Variants in HMGXB3 observed in about 807,000 individuals in gnomAD.
HMGXB3 encodes HMG-box containing 3.
HMGXB3 carries 45 observed loss-of-function variants against 121.5 expected under a neutral mutation model. That is an observed-to-expected ratio of 0.37 (90% CI 0.29 to 0.47). The LOEUF is 0.47. Ranked by LOEUF, HMGXB3 falls within the 20% of genes least tolerant of loss-of-function variation. The probability of loss-of-function intolerance (pLI) is 0.99; values close to 1 mark genes in which losing one functional copy is unlikely to be tolerated. For missense variants in HMGXB3, 1,376 were observed against 1,602.2 expected (o/e 0.86, Z 2.41); for synonymous variants, 590 against 624.1 (o/e 0.95, Z 0.81).
intron 6 of HMGXB3, among the ~76,000 whole-genome samples, chr5:150,022,791 T>C (rs1355195023): frequency 1.3e-5 from 2 of 151,164 alleles, no homozygotes; most frequent in Non-Finnish European, 2.9e-5. Flanking sequence ...ACCAAAGAGC[T>C]CTTAAGAGGT....
chr5:150,046,251 C>T (rs981085752), intron 16 of HMGXB3, among the ~76,000 whole-genome samples: 2 of 152,212 alleles, frequency 1.3e-5, no homozygotes, highest in Admixed American at 6.5e-5. Flanking sequence ...CTTCCTAGAT[C>T]ACTGAAGATA....
chr5:150,050,374 G>C lies in HMGXB3; in HGVS notation c.3324G>C (p.Leu1108=), dbSNP rs1756862690. ...TAGATATGGCCACGTCAGTGGCCCT[G>C]TGTGCTGACCTCTGCTACCCAGAGC... The part of the protein sequence containing the change: ...YVVDMATSVA[L]CADLCYPELT... Residue 1108 remains leucine (L), a synonymous_variant, in exon 19 of 20, where the codon CTG becomes CTC. Coordinates refer to ENST00000502717, the MANE Select transcript of HMGXB3 (RefSeq NM_014983.3). The C allele has an allele frequency of 1.3e-6, 2 of 1,551,664 alleles. No homozygotes were observed. Among genetic ancestry groups the C allele is most frequent in the African/African-American group, 2.7e-5 (2 of 73,058 alleles).
chr5:150,014,335 A>T (rs1456604192), intron 5 of HMGXB3, among the ~76,000 whole-genome samples: 1 of 152,264 alleles, frequency 6.6e-6, no homozygotes, highest in East Asian at 1.9e-4. Context: ...AATAGACAAT[A>T]TGCAGTTTAA....
intron 4 of HMGXB3, among the ~76,000 whole-genome samples, chr5:150,011,953 C>T (rs747618390): frequency 6.6e-5 from 10 of 152,144 alleles, no homozygotes; most frequent in Middle Eastern, 3.2e-3. Flanking sequence ...GTGCTGAGAA[C>T]ACTTGAAAGG....
intron 10 of HMGXB3, among the ~76,000 whole-genome samples, chr5:150,032,163 T>C (rs1197778721): frequency 6.6e-6 from 1 of 152,258 alleles, no homozygotes; most frequent in East Asian, 1.9e-4. Flanking sequence ...CCTGCTTTAC[T>C]CCACCAACTG....
intron 4 of HMGXB3, among the ~76,000 whole-genome samples, chr5:150,011,971 T>C (rs1338610500): frequency 6.6e-6 from 1 of 152,208 alleles, no homozygotes; most frequent in African/African-American, 2.4e-5. Flanking sequence ...AGGGTTAGAA[T>C]TGGATTCTCT....
In HMGXB3 at chr5:150,040,996, A is replaced by C. The variant is rs139264157; in HGVS notation, c.2545+117A>C. 504 of 1,053,264 alleles carry C rather than the reference A, an allele frequency of 4.8e-4. 9 individuals are homozygous for C. In the East Asian group the frequency reaches 0.014, roughly 29 times the overall value. 65.2% of individuals were successfully genotyped at this position (1,053,264 alleles called of 1,614,324 possible). On this transcript the variant is annotated intron_variant, in intron 14 of 19. Coordinates refer to ENST00000502717, the MANE Select transcript of HMGXB3 (RefSeq NM_014983.3). ...GAAGAGTCTGATTATTTTGAAAAGG[A>C]GACATTCTTGACTTCCTAATACACT...
chr5:150,043,153 A>G (rs556036105), intron 15 of HMGXB3, among the ~76,000 whole-genome samples: 7 of 152,290 alleles, frequency 4.6e-5, no homozygotes, highest in Admixed American at 2.0e-4. Flanking sequence ...ATGTATGGGG[A>G]AAAAAAAGTT....
At position 150,053,086 on chromosome 5, in the gene HMGXB3, T is replaced by G. The variant is rs895909088; in HGVS notation, c.*894T>G. 1 of 179,952 alleles carries G rather than the reference T, an allele frequency of 5.6e-6. No individual in the cohort carries two copies. The highest frequency in any genetic ancestry group is 1.2e-5 in the Non-Finnish European group (1 of 84,088). The allele number at this position is 179,952 out of a possible 1,614,324, so 11.1% of individuals were successfully genotyped here. On this transcript the variant is annotated 3_prime_UTR_variant, in exon 20 of 20. Transcript: ENST00000502717. ...TATTGAGTGGAGTAGGTGGCTTTTT[T>G]TCCCTCCCTCTTCCCCCAACAAGAA...
Position 150,050,395 on chromosome 5 carries a change from A to C in HMGXB3, c.3345A>C (p.Pro1115=). ...CCCTGTGTGCTGACCTCTGCTACCC[A>C]GAGCTGACTAACCAGATGTGGGGGA... ...SVALCADLCY[P]ELTNQMWGRN... is the part of the protein sequence containing the mutation. Residue 1115 remains proline (P), a synonymous_variant, in exon 19 of 20, where the codon CCA becomes CCC. Transcript: ENST00000502717. 6.4e-7 allele frequency: 1 copy of C among 1,551,736 alleles called. No individual in the cohort carries two copies. The highest frequency in any genetic ancestry group is 8.7e-7 in the Non-Finnish European group (1 of 1,146,996).
rs1255740069 is a variant in HMGXB3 at position 150,024,377 on chromosome 5, C to A, written c.1157C>A (p.Ala386Asp). The change falls in exon 7 of 20, where the codon GCC (alanine) becomes GAC (aspartate). Residue 386 changes from alanine (A) to aspartate (D), a missense_variant. Ala to Asp is a moderately radical substitution (Grantham distance 126). Around this residue, in one of 2 missense-constraint regions of HMGXB3, gnomAD observed 1,116 missense variants for 1,369.0 expected, o/e 0.82. Transcript: ENST00000502717. Reference sequence around the variant, plus strand: ...GAGCAAAATTCCTCTAAGGAAAATGCCTCCAAACTGACTCTGGAGAATTCG... The same window carrying A: ...GAGCAAAATTCCTCTAAGGAAAATGACTCCAAACTGACTCTGGAGAATTCG... The part of the protein sequence containing the change: ...TTEQNSSKEN[A>D]SKLTLENSEA... 6.4e-7 allele frequency: 1 copy of A among 1,551,732 alleles called. No individual in the cohort carries two copies. Among genetic ancestry groups the A allele is most frequent in the Non-Finnish European group, 8.7e-7 (1 of 1,147,006 alleles).
At chr5:150,018,774 TTTAAA>T in intron 6 of HMGXB3, 77 bp downstream of exon 6, 1 of 1,360,280 alleles carries the variant, frequency 7.4e-7, no homozygotes, top group East Asian at 2.6e-5. Flanking sequence ...ACAGGTGATT[TTTAAA>T]AAGTTAACAT....
At chr5:150,018,330 C>T (rs1422127618) in intron 5 of HMGXB3, among the ~76,000 whole-genome samples, 3 of 152,206 alleles carry the variant, frequency 2.0e-5, no homozygotes, top group African/African-American at 7.2e-5. Flanking sequence ...CTTCATTCTT[C>T]TGGTACCTAA....
intron 6 of HMGXB3, among the ~76,000 whole-genome samples, chr5:150,020,277 GCTCTTGTGCCATCTTCTCTGATGTGCCT>G (rs1756058159): frequency 6.6e-6 from 1 of 152,170 alleles, no homozygotes; most frequent in African/African-American, 2.4e-5. Context: ...TTTGTCTAAG[GCTCTTGTGCCATCTTCTCTGATGTGCCT>G]CTCTGAAGCC....
chr5:150,011,836 T>TCCTGAC (rs1755848256), intron 4 of HMGXB3, among the ~76,000 whole-genome samples: 1 of 151,982 alleles, frequency 6.6e-6, no homozygotes, highest in African/African-American at 2.4e-5. Flanking sequence ...GGTCTTGAAC[T>TCCTGAC]CCTGACCTCA....
chr5:150,035,240 A>G (rs891806254), intron 11 of HMGXB3, among the ~76,000 whole-genome samples: 4 of 152,220 alleles, frequency 2.6e-5, no homozygotes, highest in Non-Finnish European at 5.9e-5. Context: ...TACAAGAACC[A>G]TAGTACCAAC....
At chr5:150,023,104 C>T (rs1206993459) in intron 6 of HMGXB3, among the ~76,000 whole-genome samples, 5 of 150,916 alleles carry the variant, frequency 3.3e-5, no homozygotes, top group African/African-American at 1.2e-4. Context: ...CTTAGGATCA[C>T]GGGCATGAGC....
rs1263074337 is a variant in HMGXB3 at position 150,010,558 on chromosome 5, G to C, written c.760G>C (p.Val254Leu). ...AGACCTCCCCACTGGAAGCCTGGCT[G>C]TGCCCCACCCCCAGGTTGGGGAGAG... ...SPDLPTGSLAVPHPQVGESVS... is the reference protein window; with the variant it reads ...SPDLPTGSLALPHPQVGESVS... Residue 254 changes from valine to leucine, a missense_variant, in exon 4 of 20, where the codon GTG becomes CTG. Coordinates refer to ENST00000502717, the MANE Select transcript of HMGXB3 (RefSeq NM_014983.3). 1.3e-6 allele frequency: 2 copies of C among 1,551,454 alleles called. No individual in the cohort carries two copies. Among genetic ancestry groups the C allele is most frequent in the Non-Finnish European group, 1.7e-6 (2 of 1,146,992 alleles).
At chr5:150,018,802 T>C in intron 6 of HMGXB3, 105 bp downstream of exon 6, 1 of 1,053,064 alleles carries the variant, frequency 9.5e-7, no homozygotes. Context: ...GTTTTTACTG[T>C]CTGACTATAC....
Sources: gnomAD v4.1 joint callset for allele counts (sites outside exome capture counted in the v4.1 genomes callset) on GRCh38, gnomAD v4.1.1 for gene constraint, gnomAD v4.1.1 regional missense constraint, MANE v1.5 for transcripts, NCBI Gene and HGNC (gene_info 2026-07-23, HGNC 2026-07-21) for gene names.